LRBA: variants seen among roughly 807,000 people sequenced by gnomAD.
The protein encoded by LRBA is LPS responsive beige-like anchor protein, also known as lipopolysaccharide-responsive and beige-like anchor protein.
In LRBA, 176 loss-of-function variants were observed where a neutral mutation model predicts 330.0. The observed-to-expected ratio is 0.53, with a 90% CI of 0.47 to 0.60. LRBA has a LOEUF of 0.60. Ranked by LOEUF, LRBA falls within the 20% of genes least tolerant of loss-of-function variation. The probability of loss-of-function intolerance (pLI) is 0.00; values close to 1 mark genes in which losing one functional copy is unlikely to be tolerated. For missense variants in LRBA, 3,259 were observed against 3,444.8 expected (o/e 0.95, Z 1.35); for synonymous variants, 1,230 against 1,193.0 (o/e 1.03, Z -0.64).
chr4:150,406,292 T>A (rs1245178433), intron 47 of LRBA, among the ~76,000 whole-genome samples: 2 of 152,178 alleles, frequency 1.3e-5, no homozygotes, highest in Non-Finnish European at 1.5e-5. Context: ...TTTCTTTACA[T>A]GTGCTGATCT....
intron 38 of LRBA, chr4:150,597,108 A>G: frequency 7.1e-7 from 1 of 1,401,972 alleles, no homozygotes; most frequent in Non-Finnish European, 9.9e-7. Flanking sequence ...TCAATTTAAA[A>G]ATGCACACTA....
At chr4:150,448,385 C>CT (rs1476343948) in intron 44 of LRBA, among the ~76,000 whole-genome samples, 1 of 152,126 alleles carries the variant, frequency 6.6e-6, no homozygotes, top group Non-Finnish European at 1.5e-5. Flanking sequence ...AATCAGAGAG[C>CT]TGAGGTAAAA....
At chr4:150,452,800 C>T (rs867479349) in intron 44 of LRBA, among the ~76,000 whole-genome samples, 1 of 152,032 alleles carries the variant, frequency 6.6e-6, no homozygotes. Flanking sequence ...TTCACAATGC[C>T]ATTTATGTAT....
At chr4:150,730,343 T>C (rs951853580) in intron 36 of LRBA, among the ~76,000 whole-genome samples, 2 of 152,134 alleles carry the variant, frequency 1.3e-5, no homozygotes, top group African/African-American at 4.8e-5. Context: ...AATATTTGAA[T>C]AGACGTTTCT....
chr4:150,379,297 C>G (rs1466133238), intron 47 of LRBA, among the ~76,000 whole-genome samples: 1 of 70,782 alleles, frequency 1.4e-5, no homozygotes, highest in African/African-American at 5.0e-5. Context: ...GAGGGAAACT[C>G]TAGCTCAAAA....
At chr4:150,539,600 G>A (rs1765096741) in intron 40 of LRBA, among the ~76,000 whole-genome samples, 1 of 152,140 alleles carries the variant, frequency 6.6e-6, no homozygotes, top group Non-Finnish European at 1.5e-5. Flanking sequence ...ATAGTCTTAA[G>A]CGCATCTTAA....
chr4:150,828,776 G>A (rs1746668895), intron 29 of LRBA, among the ~76,000 whole-genome samples, 155 bp from the exon 30 acceptor site: 1 of 152,132 alleles, frequency 6.6e-6, no homozygotes, highest in Non-Finnish European at 1.5e-5. Flanking sequence ...TCTACAGAAT[G>A]TACTGAGTGG....
intron 2 of LRBA, among the ~76,000 whole-genome samples, chr4:150,949,056 T>C (rs747940579): frequency 1.3e-5 from 2 of 151,556 alleles, no homozygotes; most frequent in African/African-American, 2.4e-5. Flanking sequence ...AAACTAAATA[T>C]GCACCTACTA....
intron 51 of LRBA, among the ~76,000 whole-genome samples, chr4:150,314,318 CA>C (rs1284806201): frequency 6.6e-6 from 1 of 151,832 alleles, no homozygotes. Context: ...CTACTCAAAA[CA>C]AAACAAGATT....
At chr4:150,464,559 AT>A (rs1444720662) in intron 44 of LRBA, among the ~76,000 whole-genome samples, 1 of 151,772 alleles carries the variant, frequency 6.6e-6, no homozygotes, top group Non-Finnish European at 1.5e-5. Flanking sequence ...TTTCTTTTCA[AT>A]TTTTTTTAAA....
At chr4:150,856,913 T>G (rs1453428277) in intron 22 of LRBA, among the ~76,000 whole-genome samples, 3 of 152,144 alleles carry the variant, frequency 2.0e-5, no homozygotes, top group African/African-American at 7.2e-5. Flanking sequence ...GCCATTATTT[T>G]CAACTTAATT....
At chr4:150,729,886 A>T (rs2127120393) in intron 36 of LRBA, among the ~76,000 whole-genome samples, 1 of 152,358 alleles carries the variant, frequency 6.6e-6, no homozygotes, top group Non-Finnish European at 1.5e-5. Flanking sequence ...AAGAACAAAC[A>T]TTGGAGAAAA....
intron 37 of LRBA, among the ~76,000 whole-genome samples, chr4:150,626,758 G>C (rs759777318): frequency 2.0e-5 from 3 of 151,992 alleles, no homozygotes; most frequent in African/African-American, 2.4e-5. Flanking sequence ...AATTGCTTCT[G>C]TTTAAACACT....
intron 40 of LRBA, among the ~76,000 whole-genome samples, chr4:150,492,169 T>C (rs1200168013): frequency 1.0e-5 from 1 of 99,270 alleles, no homozygotes; most frequent in African/African-American, 2.7e-5. Context: ...AGAATGTAGT[T>C]TTTTTGAAAA....
chr4:150,935,178 G>GAA (rs11294903), intron 2 of LRBA, among the ~76,000 whole-genome samples: 4 of 138,682 alleles, frequency 2.9e-5, no homozygotes, highest in South Asian at 2.3e-4. Context: ...TCCGTCTCAC[G>GAA]AAAAAAAAAA....
At chr4:150,473,033 CT>C (rs1375477428) in intron 42 of LRBA, among the ~76,000 whole-genome samples, 1 of 152,024 alleles carries the variant, frequency 6.6e-6, no homozygotes, top group Non-Finnish European at 1.5e-5. Context: ...TTGAGTTTAT[CT>C]TTAATTTTTT....
chr4:150,943,306 A>C (rs1735877019), intron 2 of LRBA, among the ~76,000 whole-genome samples: 1 of 152,206 alleles, frequency 6.6e-6, no homozygotes, highest in Non-Finnish European at 1.5e-5. Flanking sequence ...TTTGATTTAG[A>C]GATAGGGTCT....
intron 46 of LRBA, among the ~76,000 whole-genome samples, chr4:150,433,819 T>C (rs1310892373): frequency 6.6e-6 from 1 of 152,168 alleles, no homozygotes; most frequent in Non-Finnish European, 1.5e-5. Flanking sequence ...TTACTGGTGA[T>C]TTTTAAAGAG....
chr4:150,444,724 C>T (rs1026041611), intron 44 of LRBA, among the ~76,000 whole-genome samples: 8 of 152,170 alleles, frequency 5.3e-5, no homozygotes, highest in Non-Finnish European at 1.2e-4. Flanking sequence ...TTACAAGTGG[C>T]ATTAAATATA....
Sources: allele counts gnomAD v4.1 joint callset (sites outside exome capture counted in the v4.1 genomes callset), GRCh38; gene constraint gnomAD v4.1.1; transcripts MANE v1.5; gene names NCBI Gene and HGNC (gene_info 2026-07-23, HGNC 2026-07-21).